HS3ST4: variants seen among roughly 807,000 people sequenced by gnomAD.
The protein encoded by HS3ST4 is heparan sulfate glucosamine 3-O-sulfotransferase 4.
In HS3ST4, 17 loss-of-function variants were observed where a neutral mutation model predicts 29.2. That is an observed-to-expected ratio of 0.58 (90% CI 0.40 to 0.87). The LOEUF is 0.87. Ranked by LOEUF, HS3ST4 falls within the 40% of genes least tolerant of loss-of-function variation. HS3ST4 has a pLI of 0.00. For missense variants in HS3ST4, 627 were observed against 634.5 expected (o/e 0.99, Z 0.13); for synonymous variants, 314 against 285.7 (o/e 1.10, Z -1.00).
At chr16:25,799,427 A>G (rs1198127898) in intron 1 of HS3ST4, among the ~76,000 whole-genome samples, 2 of 152,234 alleles carry the variant, frequency 1.3e-5, no homozygotes, top group Non-Finnish European at 1.5e-5. Context: ...GATAAGAGAA[A>G]TTACAGACAT....
chr16:25,727,856 A>AC (rs1966547369), intron 1 of HS3ST4, among the ~76,000 whole-genome samples: 1 of 152,188 alleles, frequency 6.6e-6, no homozygotes, highest in African/African-American at 2.4e-5. Flanking sequence ...ACATGTGCAC[A>AC]CATACTTTAA....
chr16:25,857,920 C>T (rs1337429049), intron 1 of HS3ST4, among the ~76,000 whole-genome samples: 7 of 24,154 alleles, frequency 2.9e-4, no homozygotes, highest in African/African-American at 1.9e-3. Flanking sequence ...TCCTTCCTTC[C>T]TTTCTTTCTT....
At chr16:25,792,499 G>GCT (rs1966871444) in intron 1 of HS3ST4, among the ~76,000 whole-genome samples, 1 of 151,838 alleles carries the variant, frequency 6.6e-6, no homozygotes, top group Admixed American at 6.6e-5. Flanking sequence ...GACTGTTGAG[G>GCT]CTCACCACAT....
intron 1 of HS3ST4, among the ~76,000 whole-genome samples, chr16:25,918,833 C>A (rs560304147): frequency 6.6e-6 from 1 of 152,212 alleles, no homozygotes; most frequent in South Asian, 2.1e-4. Flanking sequence ...CAAGAGAAGC[C>A]TGCTGGAGGG....
chr16:25,958,781 G>A (rs1482531030), intron 1 of HS3ST4, among the ~76,000 whole-genome samples: 1 of 152,108 alleles, frequency 6.6e-6, no homozygotes, highest in Non-Finnish European at 1.5e-5. Context: ...TCTCTTCCAC[G>A]GAGCTTCTCC....
intron 1 of HS3ST4, among the ~76,000 whole-genome samples, chr16:25,831,813 A>G (rs975290533): frequency 2.0e-5 from 3 of 152,146 alleles, no homozygotes; most frequent in Admixed American, 2.0e-4. Context: ...ATAAATATTT[A>G]TAATCACATA....
intron 1 of HS3ST4, among the ~76,000 whole-genome samples, chr16:26,127,554 C>T (rs1899361668): frequency 6.6e-6 from 1 of 152,226 alleles, no homozygotes; most frequent in African/African-American, 2.4e-5. Flanking sequence ...GTCTCCTTCT[C>T]CTGCCTCTAG....
intron 1 of HS3ST4, among the ~76,000 whole-genome samples, chr16:25,938,035 C>T (rs116889934): frequency 1.1e-3 from 160 of 152,254 alleles, no homozygotes; most frequent in Non-Finnish European, 2.1e-3. Flanking sequence ...TTGGGTTCAG[C>T]AGTGGCAAAG....
intron 1 of HS3ST4, among the ~76,000 whole-genome samples, chr16:25,951,978 GAATT>G (rs1380197762): frequency 6.7e-6 from 1 of 149,084 alleles, no homozygotes; most frequent in Non-Finnish European, 1.5e-5. Context: ...TTAAAAAAAA[GAATT>G]AAATAAAAAA....
At chr16:26,035,156 T>C (rs1244322925) in intron 1 of HS3ST4, among the ~76,000 whole-genome samples, 1 of 152,198 alleles carries the variant, frequency 6.6e-6, no homozygotes, top group Admixed American at 6.5e-5. Context: ...GAACATGCCA[T>C]GAGTGGGTAC....
intron 1 of HS3ST4, among the ~76,000 whole-genome samples, chr16:25,928,555 G>A (rs11863655): frequency 0.013 from 1,986 of 152,252 alleles, 47 homozygotes; most frequent in African/African-American, 0.044. Context: ...AATTCATGTG[G>A]CCTCCTATGC....
At chr16:26,036,928 G>T (rs1422358158) in intron 1 of HS3ST4, among the ~76,000 whole-genome samples, 1 of 152,134 alleles carries the variant, frequency 6.6e-6, no homozygotes, top group Non-Finnish European at 1.5e-5. Context: ...CAGGAATCCA[G>T]GAAACAGGAA....
chr16:26,067,424 T>G (rs1250512053), intron 1 of HS3ST4, among the ~76,000 whole-genome samples: 1 of 152,078 alleles, frequency 6.6e-6, no homozygotes, highest in Non-Finnish European at 1.5e-5. Context: ...GTGAAAACAA[T>G]TTGGTGTCAA....
At chr16:25,820,120 G>A (rs1567247161) in intron 1 of HS3ST4, among the ~76,000 whole-genome samples, 2 of 122,642 alleles carry the variant, frequency 1.6e-5, no homozygotes, top group African/African-American at 3.1e-5. Flanking sequence ...CTCTAGAAAC[G>A]TGCTCTTCTC....
At position 25,757,304 on chromosome 16, in the gene HS3ST4, A is replaced by G. The variant is rs1966763824; in HGVS notation, c.734+64153A>G. Reference sequence around the variant, plus strand: ...TTGTGAGATCTCCAGCTTTGTTCTAATAAAACTTTTAAAAACCTTGGTTCA... The same window carrying G: ...TTGTGAGATCTCCAGCTTTGTTCTAGTAAAACTTTTAAAAACCTTGGTTCA... On this transcript the variant is annotated intron_variant, in intron 1 of 1. Transcript: ENST00000331351. Among the ~76,000 whole-genome samples, 3 of 152,266 alleles carry G rather than the reference A, an allele frequency of 2.0e-5. No homozygotes were observed. The South Asian group carries it at 6.2e-4, about 32-fold the overall frequency.
intron 1 of HS3ST4, among the ~76,000 whole-genome samples, chr16:25,940,867 G>A (rs181122568): frequency 3.2e-4 from 49 of 152,274 alleles, no homozygotes; most frequent in African/African-American, 1.2e-3. Context: ...TCTCCCCCCA[G>A]CTCTCTCCCT....
At chr16:25,852,218 T>G (rs2141650126) in intron 1 of HS3ST4, among the ~76,000 whole-genome samples, 1 of 152,336 alleles carries the variant, frequency 6.6e-6, no homozygotes, top group South Asian at 2.1e-4. Context: ...GAATAGCCTG[T>G]CCATCTCTTC....
At position 25,861,613 on chromosome 16, in the gene HS3ST4, A is replaced by G. The variant is rs115490908; in HGVS notation, c.734+168462A>G. ...GTAATGCAACATACAGGCACCAGCAACTCAGGCCAGGGAGATGATATATGA... is the reference window on the plus strand; with the variant it reads ...GTAATGCAACATACAGGCACCAGCAGCTCAGGCCAGGGAGATGATATATGA... On this transcript the variant is annotated intron_variant, in intron 1 of 1. Coordinates refer to ENST00000331351, the MANE Select transcript of HS3ST4 (RefSeq NM_006040.3). 1.7e-3 allele frequency among the ~76,000 whole-genome samples: 266 copies of G among 152,270 alleles called. 3 individuals are homozygous for G. Among genetic ancestry groups the G allele is most frequent in the African/African-American group, 6.3e-3 (260 of 41,552 alleles).
At chr16:26,078,220 A>G (rs1379357624) in intron 1 of HS3ST4, among the ~76,000 whole-genome samples, 1 of 152,148 alleles carries the variant, frequency 6.6e-6, no homozygotes, top group Admixed American at 6.5e-5. Flanking sequence ...GGCACACTGC[A>G]AGCTCTGCCT....
Sources: allele counts gnomAD v4.1 joint callset (sites outside exome capture counted in the v4.1 genomes callset), GRCh38; gene constraint gnomAD v4.1.1; transcripts MANE v1.5; gene names NCBI Gene and HGNC (gene_info 2026-07-23, HGNC 2026-07-21).